Variants in CYP3A43 observed in about 807,000 individuals in gnomAD.
CYP3A43 encodes the protein cytochrome P450 3A43.
A neutral mutation model predicts 58.0 loss-of-function variants in CYP3A43; 45 were observed. That is an observed-to-expected ratio of 0.78 (90% CI 0.61 to 0.99). The LOEUF is 0.99. CYP3A43 is among the 50% of genes least tolerant of loss of function. The probability of loss-of-function intolerance (pLI) is 0.00; values close to 1 mark genes in which losing one functional copy is unlikely to be tolerated. For synonymous variants in CYP3A43, 191 were observed against 201.4 expected (o/e 0.95, Z 0.44); for missense variants, 593 against 591.9 (o/e 1.00, Z -0.02).
At chr7:99,864,392 A>G (rs1818365537) in intron 12 of CYP3A43, among the ~76,000 whole-genome samples, 1 of 148,558 alleles carries the variant, frequency 6.7e-6, no homozygotes, top group African/African-American at 2.6e-5. Flanking sequence ...CAACCCAATA[A>G]TAGCTCTATG....
chr7:99,845,485 T>C (rs1817509537), intron 4 of CYP3A43, among the ~76,000 whole-genome samples: 1 of 151,766 alleles, frequency 6.6e-6, no homozygotes, highest in South Asian at 2.1e-4. Flanking sequence ...ACCGTGCTCA[T>C]CTAATTTTTG....
intron 11 of CYP3A43, among the ~76,000 whole-genome samples, chr7:99,862,581 G>A (rs746994632): frequency 6.6e-6 from 1 of 152,188 alleles, no homozygotes. Context: ...GATATTCTGG[G>A]AATTCAGAGC....
intron 4 of CYP3A43, among the ~76,000 whole-genome samples, chr7:99,845,504 T>A (rs186916156): frequency 6.6e-6 from 1 of 152,128 alleles, no homozygotes; most frequent in East Asian, 1.9e-4. Context: ...TGTATTTTAG[T>A]AGAGATGGGG....
intron 8 of CYP3A43, among the ~76,000 whole-genome samples, chr7:99,856,304 G>A (rs931098174): frequency 5.3e-5 from 8 of 152,280 alleles, no homozygotes; most frequent in Middle Eastern, 6.8e-3. Flanking sequence ...AGACCAGCCC[G>A]ATGATGATGC....
At chr7:99,842,129 A>G (rs897358379) in intron 3 of CYP3A43, among the ~76,000 whole-genome samples, 3 of 152,254 alleles carry the variant, frequency 2.0e-5, no homozygotes, top group Non-Finnish European at 4.4e-5. Flanking sequence ...GGTCATGTCT[A>G]TCCTTAAAAG....
chr7:99,861,400 T>C (rs951825704), intron 10 of CYP3A43, among the ~76,000 whole-genome samples: 11 of 152,190 alleles, frequency 7.2e-5, no homozygotes, highest in Non-Finnish European at 1.6e-4. Flanking sequence ...GTGTAAGTGA[T>C]TGTGCCAAAT....
intron 8 of CYP3A43, among the ~76,000 whole-genome samples, chr7:99,856,398 T>C (rs1211711246): frequency 2.6e-5 from 4 of 152,234 alleles, no homozygotes; most frequent in Admixed American, 1.3e-4. Context: ...TATTTGAAGA[T>C]GCATTCAAAT....
rs766583889 is a variant in CYP3A43, at chr7:99,844,100, T to C, written c.219-43T>C. The C allele has an allele frequency of 6.0e-6, 9 of 1,503,428 alleles. No homozygotes were observed. In the South Asian group the frequency reaches 1.1e-4, roughly 18 times the overall value. 93.1% of individuals were successfully genotyped at this position (1,503,428 alleles called of 1,614,324 possible). A position where few individuals can be genotyped will look rare whatever the true frequency, so the allele number is the denominator to read the frequency against. On this transcript the variant is annotated intron_variant, in intron 3 of 12. Transcript: ENST00000354829. ...CTTTGGTGTGGTTCCAGCTGCAGAA[T>C]CAGGCAAGCGAGGTTTAGTCAGCTC...
At chr7:99,851,113 T>C (rs13236744) in intron 7 of CYP3A43, among the ~76,000 whole-genome samples, 29,496 of 151,528 alleles carry the variant, frequency 0.19, 5,791 homozygotes, top group African/African-American at 0.51. Context: ...TACAGTGAGC[T>C]GAGATCGCAC....
intron 1 of CYP3A43, among the ~76,000 whole-genome samples, chr7:99,833,255 A>G (rs965314031): frequency 2.6e-5 from 4 of 152,220 alleles, no homozygotes; most frequent in East Asian, 1.9e-4. Flanking sequence ...GCACCAGCCC[A>G]GTCGGATTAA....
At chr7:99,849,716 TTC>T (rs45550031) in intron 7 of CYP3A43, 22 bp downstream of exon 7, 145,779 of 1,362,960 alleles carry the variant, frequency 0.11, 9,386 homozygotes, top group African/African-American at 0.47. Flanking sequence ...TTTATGTTAT[TTC>T]TCTCTCTCTC....
intron 4 of CYP3A43, among the ~76,000 whole-genome samples, chr7:99,846,600 C>T (rs1817550224): frequency 6.6e-6 from 1 of 152,172 alleles, no homozygotes; most frequent in African/African-American, 2.4e-5. Flanking sequence ...AGCACTGAGA[C>T]ATCCAATATG....
intron 11 of CYP3A43, 62 bp from the exon 12 acceptor site, chr7:99,863,475 C>T (rs767691025): frequency 4.1e-5 from 58 of 1,415,182 alleles, no homozygotes; most frequent in Non-Finnish European, 5.3e-5. Flanking sequence ...CCCTGCATAA[C>T]GTGTAGTTTT....
At chr7:99,844,464 T>C (rs899629424) in intron 4 of CYP3A43, among the ~76,000 whole-genome samples, 6 of 152,152 alleles carry the variant, frequency 3.9e-5, no homozygotes, top group Non-Finnish European at 7.3e-5. Context: ...GAGTTCCTGC[T>C]TTACATGCCC....
chr7:99,861,905 C>G (rs752135332), intron 11 of CYP3A43, 66 bp downstream of exon 11: 1 of 1,363,864 alleles, frequency 7.3e-7, no homozygotes, highest in Non-Finnish European at 1.0e-6. Context: ...CTGCCTCTCT[C>G]GATGCACATG....
intron 7 of CYP3A43, among the ~76,000 whole-genome samples, chr7:99,853,865 A>G (rs543119498): frequency 6.6e-6 from 1 of 151,704 alleles, no homozygotes; most frequent in Admixed American, 6.6e-5. Context: ...CTTGAGCTTT[A>G]TTTTTTATTT....
Position 99,838,999 on chromosome 7 carries a change from C to T in CYP3A43, c.166-121C>T, listed in dbSNP as rs1024095642. The T allele has an allele frequency of 4.7e-5, 54 of 1,138,700 alleles. No individual in the cohort carries two copies. The African/African-American group carries it at 7.7e-4, about 16-fold the overall frequency. 70.5% of individuals were successfully genotyped at this position (1,138,700 alleles called of 1,614,324 possible). A position where few individuals can be genotyped will look rare whatever the true frequency, so the allele number is the denominator to read the frequency against. On this transcript the variant is annotated intron_variant, in intron 2 of 12. Transcript: ENST00000354829. ...AAAAAAAAAGATTCCCTCTAACTGC[C>T]AGTAAATGGTAGCAAGCCTAATGGT...
At chr7:99,856,335 A>T (rs1817980627) in intron 8 of CYP3A43, among the ~76,000 whole-genome samples, 1 of 152,172 alleles carries the variant, frequency 6.6e-6, no homozygotes, top group South Asian at 2.1e-4. Context: ...GGAATGCAGG[A>T]CTGGGTCCCC....
intron 3 of CYP3A43, among the ~76,000 whole-genome samples, chr7:99,841,240 C>G (rs954316251): frequency 1.3e-5 from 2 of 152,124 alleles, no homozygotes; most frequent in Admixed American, 6.5e-5. Context: ...TGATAACTTT[C>G]TGTTTTGAGT....
Sources: gnomAD v4.1 joint callset for allele counts (sites outside exome capture counted in the v4.1 genomes callset) on GRCh38, gnomAD v4.1.1 for gene constraint, MANE v1.5 for transcripts, NCBI Gene and HGNC (gene_info 2026-07-23, HGNC 2026-07-21) for gene names.